TSHR: variants seen among roughly 807,000 people sequenced by gnomAD.
The protein encoded by TSHR is thyrotropin receptor.
Under a neutral mutation model 64.1 loss-of-function variants are expected in TSHR, and 51 were observed. The observed-to-expected ratio is 0.80, with a 90% CI of 0.64 to 1.01. The LOEUF is 1.01. Ranked by LOEUF, TSHR falls within the 50% of genes least tolerant of loss-of-function variation. TSHR has a pLI of 0.00. For missense variants in TSHR, 877 were observed against 942.8 expected, an observed-to-expected ratio of 0.93 and a Z score of 0.91; for synonymous variants, 361 against 361.9, an observed-to-expected ratio of 1.00 and a Z score of 0.03.
chr14:81,037,090 C>T (rs1456277911), intron 1 of TSHR, among the ~76,000 whole-genome samples: 1 of 151,428 alleles, frequency 6.6e-6, no homozygotes, highest in Non-Finnish European at 1.5e-5. Context: ...TGCAGTGAGC[C>T]AAGATTGCAC....
At chr14:80,986,733 C>T (rs749130123) in intron 1 of TSHR, among the ~76,000 whole-genome samples, 4 of 152,198 alleles carry the variant, frequency 2.6e-5, no homozygotes, top group African/African-American at 9.7e-5. Context: ...GTGATCTGCC[C>T]GCCTTGGCGT....
intron 1 of TSHR, chr14:81,033,091 A>G (rs1209102325): frequency 1.6e-5 from 6 of 364,070 alleles, no homozygotes; most frequent in Non-Finnish European, 3.2e-5. Context: ...GCTCATATGC[A>G]TTACTCAAGC....
rs78252258 is a variant in TSHR at position 80,991,938 on chromosome 14, T to C, written c.170+36088T>C. 851 of 225,874 alleles carry C rather than the reference T, an allele frequency of 3.8e-3. 4 individuals carry two copies. The highest frequency in any genetic ancestry group is 0.018 in the African/African-American group (788 of 44,664). 14.0% of individuals were successfully genotyped at this position (225,874 alleles called of 1,614,324 possible). On this transcript the variant is annotated intron_variant, in intron 1 of 9. Transcript: ENST00000298171. ...CCAGAAAGATAGAATCACTTTGTTC[T>C]GGTTTACTTTAAAAGGATAAAAGGT...
chr14:81,044,098 A>G (rs1255394328), intron 1 of TSHR, among the ~76,000 whole-genome samples: 1 of 152,242 alleles, frequency 6.6e-6, no homozygotes. Context: ...GATCTAATTA[A>G]AGTAAAGAGC....
chr14:81,061,289 G>A (rs1361177690), intron 1 of TSHR, among the ~76,000 whole-genome samples: 1 of 152,070 alleles, frequency 6.6e-6, no homozygotes, highest in African/African-American at 2.4e-5. Context: ...AAAAGTACAT[G>A]CTATAAATTC....
chr14:81,110,620 G>C (rs1013597462), intron 8 of TSHR, among the ~76,000 whole-genome samples: 5 of 152,174 alleles, frequency 3.3e-5, no homozygotes, highest in Admixed American at 1.3e-4. Context: ...AAATCCATGT[G>C]TATAAAATGT....
chr14:81,046,331 G>A (rs867501798), intron 1 of TSHR, among the ~76,000 whole-genome samples: 10 of 151,964 alleles, frequency 6.6e-5, no homozygotes, highest in African/African-American at 2.4e-4. Context: ...TAATCATAGT[G>A]AGAAAAATGG....
rs367815744 is a variant in TSHR at position 81,143,278 on chromosome 14, C to T, written c.1220C>T (p.Pro407Leu). 12 of 1,613,992 alleles carry T rather than the reference C, an allele frequency of 7.4e-6. No homozygotes were observed. Among genetic ancestry groups the T allele is most frequent in the Admixed American group, 6.7e-5 (4 of 59,994 alleles). Reference sequence around the variant, plus strand: ...ACCCCCAAGTCCGATGAGTTCAACCCGTGTGAAGACATAATGGGCTACAAG... The same window carrying T: ...ACCCCCAAGTCCGATGAGTTCAACCTGTGTGAAGACATAATGGGCTACAAG... The part of the protein sequence containing the change: ...VCTPKSDEFN[P>L]CEDIMGYKFL... The change falls in exon 10 of 10, where the codon CCG (proline) becomes CTG (leucine). Residue 407 changes from proline (P) to leucine (L), a missense_variant. Coordinates refer to ENST00000298171, the MANE Select transcript of TSHR (RefSeq NM_000369.5).
At chr14:80,977,318 G>A (rs1282204592) in intron 1 of TSHR, among the ~76,000 whole-genome samples, 1 of 152,216 alleles carries the variant, frequency 6.6e-6, no homozygotes, top group Non-Finnish European at 1.5e-5. Context: ...GTGTCATAAA[G>A]TGGCCATGTG....
intron 1 of TSHR, among the ~76,000 whole-genome samples, chr14:80,978,287 A>T (rs1257655090): frequency 6.6e-6 from 1 of 152,108 alleles, no homozygotes; most frequent in Non-Finnish European, 1.5e-5. Flanking sequence ...CCAGAATGGG[A>T]TCCTCATCAC....
At chr14:81,002,997 A>G in intron 1 of TSHR, among the ~76,000 whole-genome samples, 1 of 65,612 alleles carries the variant, frequency 1.5e-5, no homozygotes, top group South Asian at 5.7e-4. Context: ...ACCCCACCAC[A>G]GTCCCCAGAG....
chr14:81,021,985 G>A (rs556434491), intron 1 of TSHR, among the ~76,000 whole-genome samples: 14 of 152,158 alleles, frequency 9.2e-5, no homozygotes, highest in South Asian at 4.2e-4. Flanking sequence ...GTAATCGGCC[G>A]CGTGCGGTGG....
intron 1 of TSHR, among the ~76,000 whole-genome samples, chr14:80,978,668 G>A (rs1182625987): frequency 3.3e-5 from 5 of 152,216 alleles, no homozygotes; most frequent in Non-Finnish European, 5.9e-5. Flanking sequence ...TCCTGCAGGT[G>A]CTGCAGATGG....
chr14:81,102,553 CT>C (rs1434001907), intron 7 of TSHR, among the ~76,000 whole-genome samples: 1 of 152,176 alleles, frequency 6.6e-6, no homozygotes, highest in Non-Finnish European at 1.5e-5. Context: ...GGTCAGCAAA[CT>C]TTTTCTGGGA....
intron 3 of TSHR, among the ~76,000 whole-genome samples, chr14:81,084,366 T>G (rs2139956530): frequency 6.6e-6 from 1 of 151,382 alleles, no homozygotes; most frequent in South Asian, 2.1e-4. Context: ...CTTTTTTTTA[T>G]TTAGATAAAA....
intron 1 of TSHR, among the ~76,000 whole-genome samples, chr14:80,998,015 C>T (rs1311574673): frequency 1.3e-5 from 2 of 152,192 alleles, no homozygotes; most frequent in African/African-American, 4.8e-5. Context: ...CATTGTACAA[C>T]AGTGAGAGCT....
chr14:81,066,414 G>A (rs1464182386), intron 2 of TSHR, among the ~76,000 whole-genome samples: 1 of 152,084 alleles, frequency 6.6e-6, no homozygotes, highest in Non-Finnish European at 1.5e-5. Flanking sequence ...AAATATATTT[G>A]TATCAAAACA....
intron 9 of TSHR, among the ~76,000 whole-genome samples, 161 bp downstream of exon 9, chr14:81,140,028 G>A (rs754408515): frequency 2.0e-5 from 3 of 152,174 alleles, no homozygotes; most frequent in South Asian, 2.1e-4. Context: ...GTGACCCTGC[G>A]GACCCAAAGT....
chr14:81,091,781 A>C (rs1236279585), intron 5 of TSHR, among the ~76,000 whole-genome samples: 1 of 152,270 alleles, frequency 6.6e-6, no homozygotes, highest in African/African-American at 2.4e-5. Flanking sequence ...GCAGTGTCTC[A>C]AGGAACAGTC....
Sources: allele counts gnomAD v4.1 joint callset (sites outside exome capture counted in the v4.1 genomes callset), GRCh38; gene constraint gnomAD v4.1.1; transcripts MANE v1.5; gene names NCBI Gene and HGNC (gene_info 2026-07-23, HGNC 2026-07-21).